Variants in DIAPH2 observed in about 807,000 individuals in gnomAD.
DIAPH2 encodes protein diaphanous homolog 2.
In DIAPH2, 35 loss-of-function variants were observed where a neutral mutation model predicts 92.7. The observed-to-expected ratio is 0.38, with a 90% confidence interval of 0.29 to 0.50. The LOEUF is 0.50. Ranked by LOEUF, DIAPH2 falls within the 20% of genes least tolerant of loss-of-function variation. The pLI, the probability that DIAPH2 is intolerant of heterozygous loss-of-function variation, is 0.94. For synonymous variants in DIAPH2, 301 were observed against 280.4 expected (o/e 1.07, Z -0.73); for missense variants, 701 against 819.5 (o/e 0.86, Z 1.77).
intron 22 of DIAPH2, among the ~76,000 whole-genome samples, chrX:97,218,472 G>C (rs905537509): frequency 1.8e-5 from 2 of 111,654 alleles, no homozygotes; most frequent in African/African-American, 6.5e-5. Flanking sequence ...GAACACATAT[G>C]TAACAAGTTA....
chrX:96,810,219 G>A (rs1477530704), intron 4 of DIAPH2, among the ~76,000 whole-genome samples: 2 of 112,211 alleles, frequency 1.8e-5, no homozygotes, highest in Non-Finnish European at 3.8e-5. Flanking sequence ...TCTAACTGGT[G>A]TGAGATGGTA....
rs2067575358 is a variant in DIAPH2 at position 97,185,337 on chromosome X, A to G, written c.2719+43543A>G. Among the ~76,000 whole-genome samples the G allele has an allele frequency of 4.6e-4, 17 of 37,048 alleles. 3 individuals carry two copies. The South Asian group carries it at 5.1e-3, about 11-fold the overall frequency. 32.2% of individuals were successfully genotyped at this position (37,048 alleles called of 115,157 possible). On this transcript the variant is annotated intron_variant, in intron 22 of 26. Transcript: ENST00000324765. Reference sequence around the variant, plus strand: ...TATATATATATATGTGTATATATATATATGTATATATATATGTGTGTATAT... The same window carrying G: ...TATATATATATATGTGTATATATATGTATGTATATATATATGTGTGTATAT...
chrX:97,121,324 G>A (rs2067056163), intron 21 of DIAPH2, among the ~76,000 whole-genome samples: 1 of 111,767 alleles, frequency 8.9e-6, no homozygotes, highest in African/African-American at 3.3e-5. Context: ...TTTCTGGTGA[G>A]GTCTCTCTCC....
intron 26 of DIAPH2, among the ~76,000 whole-genome samples, chrX:97,536,410 T>C (rs756663939): frequency 2.7e-4 from 30 of 112,200 alleles, no homozygotes; most frequent in Non-Finnish European, 4.9e-4. Context: ...TTTTAAAAAT[T>C]CTATTATTCT....
intron 5 of DIAPH2, among the ~76,000 whole-genome samples, chrX:96,899,236 T>G (rs2065373231): frequency 9.2e-6 from 1 of 108,346 alleles, no homozygotes; most frequent in African/African-American, 3.3e-5. Flanking sequence ...ATATGAACTT[T>G]AAAGTAGTTT....
intron 25 of DIAPH2, among the ~76,000 whole-genome samples, chrX:97,417,775 C>T (rs1189557637): frequency 9.0e-6 from 1 of 110,642 alleles, no homozygotes; most frequent in African/African-American, 3.3e-5. Context: ...GGATACACTC[C>T]AAGACCCTGC....
chrX:97,392,184 T>G (rs2069666032), intron 25 of DIAPH2, among the ~76,000 whole-genome samples: 1 of 111,870 alleles, frequency 8.9e-6, no homozygotes, highest in Admixed American at 9.5e-5. Context: ...ATGCCTCAGT[T>G]ACCTCATGTG....
chrX:97,502,830 G>A (rs140567896), intron 26 of DIAPH2, among the ~76,000 whole-genome samples: 3,125 of 112,252 alleles, frequency 0.028, 102 homozygotes, highest in African/African-American at 0.097. Flanking sequence ...TTTCAAGTAG[G>A]CGCTGAAATT....
chrX:97,454,433 G>A (rs1408862842), intron 26 of DIAPH2, among the ~76,000 whole-genome samples: 1 of 111,687 alleles, frequency 9.0e-6, no homozygotes, highest in Non-Finnish European at 1.9e-5. Context: ...TTAAAAAATT[G>A]GAGTGAAATA....
intron 4 of DIAPH2, among the ~76,000 whole-genome samples, chrX:96,850,143 C>T (rs2064998079): frequency 9.0e-6 from 1 of 111,185 alleles, no homozygotes; most frequent in South Asian, 3.8e-4. Context: ...ATAGTAAACC[C>T]CACTGGACCA....
At chrX:97,386,128 T>C (rs188221777) in intron 25 of DIAPH2, among the ~76,000 whole-genome samples, 1 of 112,254 alleles carries the variant, frequency 8.9e-6, no homozygotes, top group Non-Finnish European at 1.9e-5. Context: ...AGGAATTGAC[T>C]ATAGTTTATA....
chrX:97,248,477 CTT>C (rs1285223508), intron 23 of DIAPH2, among the ~76,000 whole-genome samples: 9 of 111,459 alleles, frequency 8.1e-5, no homozygotes, highest in South Asian at 7.4e-4. Context: ...AAAAGGAAAA[CTT>C]GAGAAATAGC....
intron 23 of DIAPH2, among the ~76,000 whole-genome samples, chrX:97,333,665 A>G (rs1244383162): frequency 9.1e-6 from 1 of 109,603 alleles, no homozygotes; most frequent in Admixed American, 9.8e-5. Flanking sequence ...CCCAGGTTCA[A>G]GCGATTCTCC....
chrX:97,163,234 A>G (rs1193448749), intron 22 of DIAPH2, among the ~76,000 whole-genome samples: 1 of 110,836 alleles, frequency 9.0e-6, no homozygotes, highest in Non-Finnish European at 1.9e-5. Context: ...CATTGGTGCA[A>G]TCATGGCTCA....
chrX:96,730,940 A>G (rs1475941221), intron 1 of DIAPH2, among the ~76,000 whole-genome samples: 1 of 110,802 alleles, frequency 9.0e-6, no homozygotes, highest in Non-Finnish European at 1.9e-5. Context: ...GGGTAGGTAA[A>G]GGAAAACTAC....
intron 20 of DIAPH2, among the ~76,000 whole-genome samples, chrX:97,111,603 T>A (rs1291281068): frequency 8.9e-6 from 1 of 112,180 alleles, no homozygotes; most frequent in Admixed American, 9.5e-5. Flanking sequence ...TAATTCTATC[T>A]TTTATATCCA....
intron 23 of DIAPH2, among the ~76,000 whole-genome samples, chrX:97,275,581 G>C (rs1427455464): frequency 7.6e-5 from 8 of 105,670 alleles, no homozygotes; most frequent in African/African-American, 2.8e-4. Flanking sequence ...GCCGGGCAGA[G>C]GGGCTCCTCA....
intron 22 of DIAPH2, among the ~76,000 whole-genome samples, chrX:97,213,549 T>C (rs185705422): frequency 8.9e-6 from 1 of 112,088 alleles, no homozygotes; most frequent in Non-Finnish European, 1.9e-5. Context: ...TGTTTTAGAA[T>C]TGTGCTTTGC....
At chrX:97,353,674 A>G (rs2069239422) in intron 24 of DIAPH2, among the ~76,000 whole-genome samples, 2 of 110,666 alleles carry the variant, frequency 1.8e-5, no homozygotes, top group African/African-American at 6.5e-5. Flanking sequence ...CCCTCAACAA[A>G]ATCAGTATGT....
Sources: allele counts gnomAD v4.1 joint callset (sites outside exome capture counted in the v4.1 genomes callset), GRCh38; gene constraint gnomAD v4.1.1; transcripts MANE v1.5; gene names NCBI Gene and HGNC (gene_info 2026-07-23, HGNC 2026-07-21).